DSCAML1: variants seen among roughly 807,000 people sequenced by gnomAD.
DSCAML1 encodes cell adhesion molecule DSCAML1.
DSCAML1 carries 38 observed loss-of-function variants against 200.5 expected under a neutral mutation model. The observed-to-expected ratio is 0.19, with a 90% CI of 0.15 to 0.25. DSCAML1 has a LOEUF of 0.25. Among genes scored for constraint, DSCAML1 ranks in the 10% least tolerant of loss-of-function variants. The pLI, the probability that DSCAML1 is intolerant of heterozygous loss-of-function variation, is 1.00. For missense variants in DSCAML1, 2,223 were observed against 2,858.8 expected, an observed-to-expected ratio of 0.78 and a Z score of 5.07; for synonymous variants, 1,215 against 1,165.0, an observed-to-expected ratio of 1.04 and a Z score of -0.87.
At chr11:117,470,334 G>A (rs1445268685) in intron 15 of DSCAML1, among the ~76,000 whole-genome samples, 1 of 152,220 alleles carries the variant, frequency 6.6e-6, no homozygotes, top group Admixed American at 6.5e-5. Flanking sequence ...CCAGCACTTT[G>A]GGAGGCCAAG....
intron 3 of DSCAML1, among the ~76,000 whole-genome samples, chr11:117,653,771 A>T (rs1327511001): frequency 6.6e-6 from 1 of 152,250 alleles, no homozygotes; most frequent in Non-Finnish European, 1.5e-5. Flanking sequence ...TTATAGCAGC[A>T]TTACTCACAA....
intron 8 of DSCAML1, among the ~76,000 whole-genome samples, chr11:117,513,154 A>G (rs2049678864): frequency 6.6e-6 from 1 of 152,140 alleles, no homozygotes; most frequent in Non-Finnish European, 1.5e-5. Flanking sequence ...AAATGGATAC[A>G]GGCGGCCCGG....
At chr11:117,714,677 C>T (rs992145545) in intron 3 of DSCAML1, among the ~76,000 whole-genome samples, 4 of 151,828 alleles carry the variant, frequency 2.6e-5, no homozygotes, top group Non-Finnish European at 4.4e-5. Context: ...ATTAGCTGGG[C>T]GTGGTGGTGG....
intron 5 of DSCAML1, among the ~76,000 whole-genome samples, chr11:117,521,744 G>A (rs550485820): frequency 1.3e-5 from 2 of 148,464 alleles, no homozygotes; most frequent in Admixed American, 6.7e-5. Context: ...TATTCTCCCC[G>A]CCACCCACCT....
chr11:117,453,627 GCTT>G (rs1319334196), intron 19 of DSCAML1, among the ~76,000 whole-genome samples: 2 of 151,714 alleles, frequency 1.3e-5, no homozygotes, highest in African/African-American at 2.4e-5. Flanking sequence ...CAATCTTATT[GCTT>G]CTTCTTTGGA....
At chr11:117,675,800 G>A (rs978817081) in intron 3 of DSCAML1, among the ~76,000 whole-genome samples, 4 of 152,088 alleles carry the variant, frequency 2.6e-5, no homozygotes, top group Admixed American at 1.3e-4. Context: ...ATCCACCAGC[G>A]GCTCTGAAAG....
At chr11:117,745,876 T>C (rs1313084125) in intron 3 of DSCAML1, among the ~76,000 whole-genome samples, 1 of 152,036 alleles carries the variant, frequency 6.6e-6, no homozygotes, top group African/African-American at 2.4e-5. Flanking sequence ...TAGGATTAGT[T>C]TGAGGATTAA....
chr11:117,560,436 T>C (rs1274232361), intron 3 of DSCAML1, among the ~76,000 whole-genome samples: 1 of 152,190 alleles, frequency 6.6e-6, no homozygotes, highest in Non-Finnish European at 1.5e-5. Flanking sequence ...ACCCTTCTCA[T>C]TTGATTTGCG....
chr11:117,741,752 A>G (rs1185019066), intron 3 of DSCAML1, among the ~76,000 whole-genome samples: 1 of 151,950 alleles, frequency 6.6e-6, no homozygotes, highest in Non-Finnish European at 1.5e-5. Context: ...AGGCCTCTGG[A>G]CTCTGGTTCT....
intron 3 of DSCAML1, among the ~76,000 whole-genome samples, chr11:117,695,223 G>A (rs377183586): frequency 2.0e-5 from 3 of 152,016 alleles, no homozygotes; most frequent in South Asian, 2.1e-4. Flanking sequence ...TTAGGGATGC[G>A]AGAAAGGCAA....
rs555796785 is a variant in DSCAML1, at chr11:117,777,807, C to T, written c.365-870G>A. Among the ~76,000 whole-genome samples, 476 of 152,292 alleles carry T rather than the reference C, an allele frequency of 3.1e-3. 2 individuals are homozygous for T. Among genetic ancestry groups the T allele is most frequent in the South Asian group, 0.015 (70 of 4,818 alleles). ...GTATGTGTCTGGCCCTACAGGCAGG[C>T]AGACCCAGCCCTAGGAATGGGACCA... On this transcript the variant is annotated intron_variant, in intron 2 of 32. Coordinates refer to ENST00000651296, the MANE Select transcript of DSCAML1 (RefSeq NM_020693.4).
intron 3 of DSCAML1, among the ~76,000 whole-genome samples, chr11:117,612,393 G>A (rs1208733078): frequency 1.3e-5 from 2 of 152,044 alleles, no homozygotes; most frequent in Non-Finnish European, 2.9e-5. Flanking sequence ...CCACATCAGC[G>A]TTATGCTATC....
intron 22 of DSCAML1, 61 bp from the exon 23 acceptor site, chr11:117,439,490 T>TC: frequency 6.4e-7 from 1 of 1,559,604 alleles, no homozygotes; most frequent in African/African-American, 1.3e-5. Context: ...CCTGAGGCCC[T>TC]CCCCCCGGTG....
chr11:117,777,392 G>T (rs1306479112), intron 2 of DSCAML1, among the ~76,000 whole-genome samples: 1 of 152,146 alleles, frequency 6.6e-6, no homozygotes, highest in African/African-American at 2.4e-5. Flanking sequence ...TGGACCCAGG[G>T]TGGCAATTAT....
At chr11:117,492,711 C>CCGGGTGGT in intron 11 of DSCAML1, among the ~76,000 whole-genome samples, 1 of 152,260 alleles carries the variant, frequency 6.6e-6, no homozygotes, top group East Asian at 1.9e-4. Context: ...TGTTGGCGCG[C>CCGGGTGGT]CGGGTGGTCG....
chr11:117,545,276 GCA>G (rs1000186397), intron 3 of DSCAML1, among the ~76,000 whole-genome samples: 3 of 151,486 alleles, frequency 2.0e-5, no homozygotes, highest in African/African-American at 7.3e-5. Context: ...ACAAGGATGT[GCA>G]CACACAGAGA....
chr11:117,514,407 T>C (rs1332319578), intron 8 of DSCAML1, among the ~76,000 whole-genome samples: 4 of 151,964 alleles, frequency 2.6e-5, no homozygotes, highest in Non-Finnish European at 1.5e-5. Context: ...AGAAGCTCTA[T>C]GTCTTTATTC....
At chr11:117,497,945 A>G (rs1169480009) in intron 11 of DSCAML1, among the ~76,000 whole-genome samples, 1 of 152,222 alleles carries the variant, frequency 6.6e-6, no homozygotes, top group African/African-American at 2.4e-5. Flanking sequence ...CACTCGCCCA[A>G]TCAGGGGGAC....
At chr11:117,538,603 T>C (rs1165498084) in intron 3 of DSCAML1, among the ~76,000 whole-genome samples, 1 of 152,162 alleles carries the variant, frequency 6.6e-6, no homozygotes, top group South Asian at 2.1e-4. Context: ...CTTTTCTGTC[T>C]TTTTCTAAAA....
Sources: gnomAD v4.1 joint callset for allele counts (sites outside exome capture counted in the v4.1 genomes callset) on GRCh38, gnomAD v4.1.1 for gene constraint, MANE v1.5 for transcripts, NCBI Gene and HGNC (gene_info 2026-07-23, HGNC 2026-07-21) for gene names.